DGKB: variants seen among roughly 807,000 people sequenced by gnomAD.
DGKB encodes diacylglycerol kinase beta.
Under a neutral mutation model 114.3 loss-of-function variants are expected in DGKB, and 67 were observed. The observed-to-expected ratio is 0.59, with a 90% CI of 0.48 to 0.72. DGKB has a LOEUF of 0.72. Among genes scored for constraint, DGKB ranks in the 30% least tolerant of loss-of-function variants. The probability of loss-of-function intolerance (pLI) is 0.00; values close to 1 mark genes in which losing one functional copy is unlikely to be tolerated. For missense variants in DGKB, 907 were observed against 975.2 expected, an observed-to-expected ratio of 0.93 and a Z score of 0.93; for synonymous variants, 398 against 323.1, an observed-to-expected ratio of 1.23 and a Z score of -2.49.
intron 23 of DGKB, among the ~76,000 whole-genome samples, chr7:14,265,020 A>G (rs1006986216): frequency 6.6e-5 from 10 of 152,118 alleles, no homozygotes; most frequent in Admixed American, 3.3e-4. Flanking sequence ...CAGAATCTGT[A>G]AGGACTTTAA....
At chr7:14,739,865 G>A (rs1006326946) in intron 4 of DGKB, among the ~76,000 whole-genome samples, 1 of 152,170 alleles carries the variant, frequency 6.6e-6, no homozygotes, top group African/African-American at 2.4e-5. Flanking sequence ...ACAATATCAG[G>A]AGTGTTCCAC....
intron 4 of DGKB, among the ~76,000 whole-genome samples, chr7:14,748,634 C>A (rs894472823): frequency 6.6e-6 from 1 of 152,098 alleles, no homozygotes; most frequent in Non-Finnish European, 1.5e-5. Flanking sequence ...CTGGGCAGAG[C>A]ATACAGGATA....
intron 8 of DGKB, among the ~76,000 whole-genome samples, chr7:14,697,279 A>C (rs564642378): frequency 6.6e-6 from 1 of 152,190 alleles, no homozygotes; most frequent in African/African-American, 2.4e-5. Flanking sequence ...TAATTTTAAC[A>C]TATTTGGGTC....
intron 23 of DGKB, among the ~76,000 whole-genome samples, chr7:14,285,499 T>G (rs945084836): frequency 2.6e-5 from 4 of 152,168 alleles, no homozygotes; most frequent in Non-Finnish European, 5.9e-5. Context: ...AAGCCTAAAA[T>G]TAAATATACA....
At chr7:14,307,852 C>A (rs141258434) in intron 23 of DGKB, among the ~76,000 whole-genome samples, 24 of 152,100 alleles carry the variant, frequency 1.6e-4, no homozygotes, top group African/African-American at 5.8e-4. Context: ...TCAAATATTC[C>A]CACATTGACT....
At chr7:14,505,786 T>A (rs920304854) in intron 20 of DGKB, among the ~76,000 whole-genome samples, 1 of 152,198 alleles carries the variant, frequency 6.6e-6, no homozygotes, top group African/African-American at 2.4e-5. Context: ...CGCCAGTAAT[T>A]TGCTTCTTTA....
chr7:14,266,181 T>G (rs1324128858), intron 23 of DGKB, among the ~76,000 whole-genome samples: 2 of 152,194 alleles, frequency 1.3e-5, no homozygotes, highest in East Asian at 3.9e-4. Context: ...TAAAATACTG[T>G]TTTTAGTTTG....
intron 25 of DGKB, among the ~76,000 whole-genome samples, chr7:14,159,238 G>A (rs1783494094): frequency 6.6e-6 from 1 of 152,026 alleles, no homozygotes; most frequent in African/African-American, 2.4e-5. Flanking sequence ...GTACACACCA[G>A]GTTCCTTCCC....
chr7:14,884,890 A>T (rs1212463550), intron 1 of DGKB, among the ~76,000 whole-genome samples: 1 of 151,974 alleles, frequency 6.6e-6, no homozygotes. Flanking sequence ...AAACAATATT[A>T]ACCTCATGAT....
intron 19 of DGKB, among the ~76,000 whole-genome samples, chr7:14,576,357 TA>T: frequency 6.6e-6 from 1 of 151,970 alleles, no homozygotes; most frequent in East Asian, 1.9e-4. Flanking sequence ...TTCTAATTGT[TA>T]ATTTCTTTTA....
intron 21 of DGKB, among the ~76,000 whole-genome samples, chr7:14,426,480 T>C (rs1295739086): frequency 6.6e-6 from 1 of 152,134 alleles, no homozygotes; most frequent in Non-Finnish European, 1.5e-5. Flanking sequence ...AATAAAGTCA[T>C]GTACCACAAT....
chr7:14,340,362 C>A (rs1260102847), intron 22 of DGKB, among the ~76,000 whole-genome samples: 2 of 151,452 alleles, frequency 1.3e-5, no homozygotes, highest in Admixed American at 1.3e-4. Flanking sequence ...GAATCAAACA[C>A]ATACTGTGTG....
chr7:14,509,096 C>G (rs1370680040), intron 20 of DGKB, among the ~76,000 whole-genome samples: 1 of 152,116 alleles, frequency 6.6e-6, no homozygotes, highest in Non-Finnish European at 1.5e-5. Context: ...TGATTGGACA[C>G]CATACTGCCA....
At chr7:14,385,250 AG>A (rs1260338041) in intron 21 of DGKB, among the ~76,000 whole-genome samples, 1 of 152,136 alleles carries the variant, frequency 6.6e-6, no homozygotes, top group Non-Finnish European at 1.5e-5. Flanking sequence ...CATGGCCAAA[AG>A]TACTAGAGGA....
At chr7:14,650,980 G>A (rs1374098461) in intron 13 of DGKB, among the ~76,000 whole-genome samples, 1 of 152,008 alleles carries the variant, frequency 6.6e-6, no homozygotes, top group Non-Finnish European at 1.5e-5. Flanking sequence ...ACCAATAACA[G>A]GAGCTGAAAC....
intron 2 of DGKB, among the ~76,000 whole-genome samples, chr7:14,788,809 C>T (rs576423478): frequency 1.3e-5 from 2 of 152,268 alleles, no homozygotes; most frequent in Admixed American, 1.3e-4. Context: ...GTGAGTGCAA[C>T]AAACTACCTT....
chr7:14,745,050 AG>A (rs1399941755), intron 4 of DGKB, among the ~76,000 whole-genome samples: 1 of 152,198 alleles, frequency 6.6e-6, no homozygotes, highest in Non-Finnish European at 1.5e-5. Flanking sequence ...ATAAGACCAA[AG>A]GAGCAAACCA....
intron 21 of DGKB, among the ~76,000 whole-genome samples, chr7:14,476,995 C>T (rs1782281817): frequency 6.6e-6 from 1 of 152,036 alleles, no homozygotes; most frequent in African/African-American, 2.4e-5. Flanking sequence ...CATGATCTGC[C>T]CGCCTTGGCC....
intron 20 of DGKB, among the ~76,000 whole-genome samples, chr7:14,537,321 T>C (rs1792666669): frequency 6.6e-6 from 1 of 152,090 alleles, no homozygotes; most frequent in Non-Finnish European, 1.5e-5. Context: ...AAAATAATTC[T>C]AAAATTCATA....
Sources: allele counts gnomAD v4.1 joint callset (sites outside exome capture counted in the v4.1 genomes callset), GRCh38; gene constraint gnomAD v4.1.1; transcripts MANE v1.5; gene names NCBI Gene and HGNC (gene_info 2026-07-23, HGNC 2026-07-21).